Variants in OTUD7B observed in about 807,000 individuals in gnomAD.
OTUD7B encodes the protein OTU deubiquitinase 7B.
A neutral mutation model predicts 82.2 loss-of-function variants in OTUD7B; 34 were observed. The observed-to-expected ratio is 0.41, with a 90% CI of 0.31 to 0.55. The LOEUF (loss-of-function observed/expected upper bound fraction) is 0.55. Ranked by LOEUF, OTUD7B falls within the 20% of genes least tolerant of loss-of-function variation. The pLI is 0.20. For synonymous variants in OTUD7B, 398 were observed against 402.7 expected, an observed-to-expected ratio of 0.99 and a Z score of 0.14; for missense variants, 944 against 1,062.1, an observed-to-expected ratio of 0.89 and a Z score of 1.55.
chr1:150,026,164 G>GTGCATACAATATTTTGCT, the OTUD7B span, among the ~76,000 whole-genome samples: 1 of 152,182 alleles, frequency 6.6e-6, no homozygotes, highest in Non-Finnish European at 1.5e-5. Flanking sequence ...TTCCTGGAAG[G>GTGCATACAATATTTTGCT]TGCATACAAT....
chr1:149,947,149 C>T, intron 11 of OTUD7B, 102 bp downstream of exon 11: 1 of 624,852 alleles, frequency 1.6e-6, no homozygotes, highest in African/African-American at 1.8e-5. Flanking sequence ...TTGTAAGCCA[C>T]CACTCAGAAT....
intron 1 of OTUD7B, among the ~76,000 whole-genome samples, chr1:149,999,334 C>G (rs1163170613): frequency 1.3e-5 from 2 of 152,190 alleles, no homozygotes; most frequent in Non-Finnish European, 2.9e-5. Flanking sequence ...ACTCTTAAGT[C>G]TAACTCTCAA....
intron 6 of OTUD7B, chr1:149,961,739 C>T (rs1553775669): frequency 6.6e-6 from 1 of 152,230 alleles, no homozygotes; most frequent in Non-Finnish European, 1.5e-5. Context: ...CCATCTCCTC[C>T]TCTATGCTAG....
Position 149,944,315 on chromosome 1 carries a change from A to G in OTUD7B, c.2074T>C (p.Tyr692His), listed in dbSNP as rs1647514605. The change falls in exon 12 of 12, where the codon TAC (tyrosine) becomes CAC (histidine). Residue 692 changes from tyrosine to histidine, a missense_variant. This residue lies in a region of OTUD7B where 412 missense variants were observed against 418.7 expected (regional missense o/e 0.98). Coordinates refer to ENST00000581312, the MANE Select transcript of OTUD7B (RefSeq NM_020205.4). ...CGAGGGATAGTAAAGTCCCCAGGGT[A>G]GCCAGTGGAAAATGCCATTGCCCTG... The part of the protein sequence containing the change: ...ESRAMAFSTG[Y>H]PGDFTIPRPS... 6.2e-7 allele frequency: 1 copy of G among 1,611,148 alleles called. No homozygotes were observed. Among genetic ancestry groups the G allele is most frequent in the African/African-American group, 1.3e-5 (1 of 74,986 alleles).
chr1:150,028,269 G>A, the OTUD7B span, among the ~76,000 whole-genome samples: 1 of 152,190 alleles, frequency 6.6e-6, no homozygotes, highest in African/African-American at 2.4e-5. Flanking sequence ...AAGCTAAAGT[G>A]ATCATTGGAT....
At chr1:149,955,253 A>G (rs1191429108) in intron 7 of OTUD7B, among the ~76,000 whole-genome samples, 1 of 152,100 alleles carries the variant, frequency 6.6e-6, no homozygotes, top group Non-Finnish European at 1.5e-5. Context: ...CTTTGTTCTC[A>G]TTGGTTTCAA....
intron 1 of OTUD7B, among the ~76,000 whole-genome samples, chr1:150,005,345 A>G (rs1652592962): frequency 6.6e-6 from 1 of 152,218 alleles, no homozygotes; most frequent in South Asian, 2.1e-4. Context: ...TCTTATCTAC[A>G]GCTATTTCTT....
intron 11 of OTUD7B, 39 bp from the exon 12 acceptor site, chr1:149,945,104 A>T: frequency 6.3e-7 from 1 of 1,585,360 alleles, no homozygotes; most frequent in Non-Finnish European, 8.6e-7. Context: ...TTATCCCAGC[A>T]GCCTGGGGTG....
intron 1 of OTUD7B, among the ~76,000 whole-genome samples, chr1:149,988,538 A>T (rs1651349528): frequency 6.6e-6 from 1 of 152,192 alleles, no homozygotes; most frequent in Non-Finnish European, 1.5e-5. Context: ...GGCTCCTTAA[A>T]TTACAGTTAT....
the OTUD7B span, among the ~76,000 whole-genome samples, chr1:150,063,850 C>A: frequency 1.3e-5 from 2 of 152,212 alleles, no homozygotes; most frequent in East Asian, 3.9e-4. Context: ...TTTGAGGCTG[C>A]GTAGACACTA....
At chr1:149,951,214 G>A (rs1309770132) in intron 7 of OTUD7B, among the ~76,000 whole-genome samples, 2 of 151,672 alleles carry the variant, frequency 1.3e-5, no homozygotes, top group Admixed American at 6.6e-5. Context: ...TTCGTGATCC[G>A]CCCGCCTCGG....
chr1:149,975,076 T>C (rs1553778308), intron 2 of OTUD7B, among the ~76,000 whole-genome samples: 1 of 152,174 alleles, frequency 6.6e-6, no homozygotes, highest in Non-Finnish European at 1.5e-5. Context: ...TCATTATTAA[T>C]AGTTTCTCCA....
At chr1:150,033,867 G>A in the OTUD7B span, among the ~76,000 whole-genome samples, 1 of 152,032 alleles carries the variant, frequency 6.6e-6, no homozygotes, top group African/African-American at 2.4e-5. Context: ...GACTACAGGT[G>A]TGCGCCACCA....
intron 9 of OTUD7B, 58 bp downstream of exon 9, chr1:149,949,557 CCTCCTACATTAGAT>C: frequency 6.7e-7 from 1 of 1,483,178 alleles, no homozygotes; most frequent in Non-Finnish European, 9.3e-7. Context: ...TTAATTCTTT[CCTCCTACATTAGAT>C]CTCATTCAAT....
chr1:150,032,466 A>AAAAG, the OTUD7B span, among the ~76,000 whole-genome samples: 8 of 3,894 alleles, frequency 2.1e-3, no homozygotes, highest in African/African-American at 7.4e-3. Flanking sequence ...CTGTCTACAG[A>AAAAG]AAAAAAAAAA....
chr1:150,058,803 C>A, the OTUD7B span, among the ~76,000 whole-genome samples: 831 of 152,142 alleles, frequency 5.5e-3, 4 homozygotes, highest in African/African-American at 0.019. Flanking sequence ...GCCTTTCAAT[C>A]TCACTTTAGA....
intron 1 of OTUD7B, among the ~76,000 whole-genome samples, chr1:150,003,269 TA>T (rs1239829032): frequency 1 from 145,975 of 146,094 alleles, 72,935 homozygotes; most frequent in Middle Eastern, 1. Context: ...AAAAAAAAGA[TA>T]AAAACTCTGT....
At position 149,950,232 on chromosome 1, in the gene OTUD7B, G is replaced by A. The variant is rs782796179; in HGVS notation, c.846-11C>T. 26 of 1,613,488 alleles carry A rather than the reference G, an allele frequency of 1.6e-5. No individual in the cohort carries two copies. Among genetic ancestry groups the A allele is most frequent in the African/African-American group, 9.3e-5 (7 of 74,902 alleles). On this transcript the variant is annotated splice_polypyrimidine_tract_variant and intron_variant, in intron 7 of 11. Coordinates refer to ENST00000581312, the MANE Select transcript of OTUD7B (RefSeq NM_020205.4). Reference sequence around the variant, plus strand: ...TCAGAACTCTCCACCCTGGAACGACGGGAAGGGAGAGAGTGAAAAGGGTGC... The same window carrying A: ...TCAGAACTCTCCACCCTGGAACGACAGGAAGGGAGAGAGTGAAAAGGGTGC...
chr1:150,054,407 C>T, the OTUD7B span: 1 of 538,102 alleles, frequency 1.9e-6, no homozygotes, highest in Non-Finnish European at 3.6e-6. Flanking sequence ...GGTCCTCAAT[C>T]AAGTTCCTCT....
Sources: gnomAD v4.1 joint callset for allele counts (sites outside exome capture counted in the v4.1 genomes callset) on GRCh38, gnomAD v4.1.1 for gene constraint, gnomAD v4.1.1 regional missense constraint, MANE v1.5 for transcripts, NCBI Gene and HGNC (gene_info 2026-07-23, HGNC 2026-07-21) for gene names.